ANKFN1: variants seen among roughly 807,000 people sequenced by gnomAD.
The protein encoded by ANKFN1 is ankyrin repeat and fibronectin type-III domain-containing protein 1.
ANKFN1 carries 74 observed loss-of-function variants against 108.7 expected under a neutral mutation model. That is an observed-to-expected ratio of 0.68 (90% CI 0.56 to 0.83). The LOEUF is 0.83. ANKFN1 is among the 40% of genes least tolerant of loss of function. The pLI is 0.00. For missense variants in ANKFN1, 1,505 were observed against 1,382.3 expected (o/e 1.09, Z -1.41); for synonymous variants, 547 against 516.2 (o/e 1.06, Z -0.81).
At chr17:56,390,697 C>T (rs915841369) in intron 8 of ANKFN1, among the ~76,000 whole-genome samples, 6 of 152,190 alleles carry the variant, frequency 3.9e-5, no homozygotes, top group African/African-American at 1.4e-4. Context: ...TCCACATCCT[C>T]ACCAGCATCT....
intron 11 of ANKFN1, 144 bp from the exon 12 acceptor site, chr17:56,456,717 G>A: frequency 1.5e-6 from 1 of 682,756 alleles, no homozygotes; most frequent in South Asian, 1.8e-5. Flanking sequence ...TTATAGGCAT[G>A]AATGAGCAGA....
At chr17:56,351,732 A>G (rs1455294503) in intron 5 of ANKFN1, among the ~76,000 whole-genome samples, 3 of 152,190 alleles carry the variant, frequency 2.0e-5, no homozygotes, top group African/African-American at 7.2e-5. Context: ...AATGGCGTAA[A>G]TAGTGGAACT....
At chr17:56,428,413 T>C (rs2048645923) in intron 8 of ANKFN1, among the ~76,000 whole-genome samples, 1 of 152,004 alleles carries the variant, frequency 6.6e-6, no homozygotes, top group Non-Finnish European at 1.5e-5. Context: ...ATTAATTATA[T>C]GCTATATCTT....
intron 4 of ANKFN1, among the ~76,000 whole-genome samples, chr17:56,075,248 G>A (rs530434669): frequency 6.6e-6 from 1 of 152,244 alleles, no homozygotes; most frequent in African/African-American, 2.4e-5. Context: ...AGGTCATTTA[G>A]CCCCTAGCTT....
chr17:56,080,170 C>G (rs1332256622), intron 4 of ANKFN1, among the ~76,000 whole-genome samples: 1 of 152,184 alleles, frequency 6.6e-6, no homozygotes, highest in Non-Finnish European at 1.5e-5. Flanking sequence ...ATACTCTCAT[C>G]TCATGATGCT....
chr17:56,247,162 C>A (rs140486495), intron 3 of ANKFN1, among the ~76,000 whole-genome samples: 1 of 152,082 alleles, frequency 6.6e-6, no homozygotes, highest in African/African-American at 2.4e-5. Flanking sequence ...GACAAATAAA[C>A]GCTGCTTTGC....
At chr17:56,372,531 T>C (rs2046837402) in intron 6 of ANKFN1, 115 bp from the exon 7 acceptor site, 2 of 925,382 alleles carry the variant, frequency 2.2e-6, no homozygotes, top group East Asian at 2.6e-5. Context: ...ATCCCACTTT[T>C]CCCAGGCATT....
intron 14 of ANKFN1, 27 bp from the exon 15 acceptor site, chr17:56,466,329 T>C: frequency 6.3e-7 from 1 of 1,597,942 alleles, no homozygotes; most frequent in Non-Finnish European, 8.6e-7. Context: ...ATACCCTCTA[T>C]GCTACCGGTA....
chr17:56,075,877 C>T (rs189285288), intron 4 of ANKFN1, among the ~76,000 whole-genome samples: 98 of 152,154 alleles, frequency 6.4e-4, no homozygotes, highest in African/African-American at 2.2e-3. Flanking sequence ...CAGACATAGG[C>T]GAGTGATAGT....
chr17:56,128,490 T>C (rs1438351366), intron 4 of ANKFN1, among the ~76,000 whole-genome samples: 3 of 152,196 alleles, frequency 2.0e-5, no homozygotes, highest in Non-Finnish European at 4.4e-5. Flanking sequence ...TATAGGAGTA[T>C]AGGGTGTTCT....
Position 56,457,927 on chromosome 17 carries a change from C to T in ANKFN1, c.1505C>T (p.Ser502Phe). ...RQSIPISSSS[S>F]TVLQTRQKML... is the part of the protein sequence containing the mutation. The stretch of plus-strand genomic sequence containing the variant: ...AGCATACCAATATCCTCATCCTCAT[C>T]CACAGTGCTGCAAACTCGGCAGAAG... Residue 502 changes from serine (S) to phenylalanine (F), a missense_variant, in exon 14 of 21, where the codon TCC becomes TTC. Transcript: ENST00000682825. 6.2e-7 allele frequency: 1 copy of T among 1,614,112 alleles called. No homozygotes were observed.
intron 4 of ANKFN1, among the ~76,000 whole-genome samples, chr17:56,126,959 C>G (rs188680495): frequency 3.7e-4 from 56 of 152,310 alleles, no homozygotes; most frequent in South Asian, 1.0e-3. Context: ...AATTGCTTTG[C>G]ACAATGCCTT....
At chr17:56,289,409 C>T (rs1157356483) in intron 3 of ANKFN1, among the ~76,000 whole-genome samples, 14 of 152,132 alleles carry the variant, frequency 9.2e-5, no homozygotes, top group African/African-American at 2.9e-4. Flanking sequence ...ACAGCAGATT[C>T]GCTCATAAGA....
intron 11 of ANKFN1, among the ~76,000 whole-genome samples, chr17:56,449,876 G>A (rs993928018): frequency 2.6e-5 from 4 of 152,122 alleles, no homozygotes; most frequent in South Asian, 2.1e-4. Flanking sequence ...ACTGCTCACA[G>A]GAAAGTAGAG....
At chr17:56,489,671 T>C (rs1341445771) in intron 18 of ANKFN1, among the ~76,000 whole-genome samples, 2 of 152,114 alleles carry the variant, frequency 1.3e-5, no homozygotes, top group Non-Finnish European at 2.9e-5. Context: ...AAAGAAGTTA[T>C]TCAGTGCCTC....
At chr17:56,469,763 T>C (rs983670741) in intron 15 of ANKFN1, among the ~76,000 whole-genome samples, 1 of 148,852 alleles carries the variant, frequency 6.7e-6, no homozygotes, top group African/African-American at 2.5e-5. Context: ...ATTTTTATTA[T>C]GTCTCAGAAA....
At chr17:56,122,901 C>A (rs1906708622) in intron 4 of ANKFN1, among the ~76,000 whole-genome samples, 2 of 152,158 alleles carry the variant, frequency 1.3e-5, no homozygotes, top group South Asian at 4.1e-4. Flanking sequence ...TTGGGTGGAG[C>A]TCACCAGAAC....
intron 3 of ANKFN1, among the ~76,000 whole-genome samples, chr17:56,320,035 A>G (rs1334849513): frequency 2.0e-5 from 3 of 152,196 alleles, no homozygotes; most frequent in African/African-American, 4.8e-5. Context: ...CCCTAAATGC[A>G]CATAAACAAG....
chr17:56,056,347 A>G (rs1236437645), intron 4 of ANKFN1, among the ~76,000 whole-genome samples: 2 of 149,238 alleles, frequency 1.3e-5, no homozygotes, highest in African/African-American at 5.0e-5. Context: ...AAACCAAAAA[A>G]GACCCTGAAT....
Sources: gnomAD v4.1 joint callset for allele counts (sites outside exome capture counted in the v4.1 genomes callset) on GRCh38, gnomAD v4.1.1 for gene constraint, MANE v1.5 for transcripts, NCBI Gene and HGNC (gene_info 2026-07-23, HGNC 2026-07-21) for gene names.